The following FSTL5 variants were observed in gnomAD, a reference collection of about 807,000 sequenced individuals.
The protein encoded by FSTL5 is follistatin like 5, also known as follistatin-related protein 5.
FSTL5 carries 62 observed loss-of-function variants against 89.1 expected under a neutral mutation model. The observed-to-expected ratio is 0.70, with a 90% confidence interval of 0.57 to 0.86. The LOEUF (loss-of-function observed/expected upper bound fraction) is 0.86, where lower values mean the gene tolerates loss of function less well. Among genes scored for constraint, FSTL5 ranks in the 40% least tolerant of loss-of-function variants. The probability of loss-of-function intolerance (pLI) is 0.00; values close to 1 mark genes in which losing one functional copy is unlikely to be tolerated. For missense variants in FSTL5, 1,057 were observed against 1,001.6 expected (o/e 1.06, Z -0.75); for synonymous variants, 383 against 346.2 (o/e 1.11, Z -1.18).
intron 8 of FSTL5, among the ~76,000 whole-genome samples, chr4:161,567,441 T>C (rs760357197): frequency 6.6e-6 from 1 of 152,160 alleles, no homozygotes; most frequent in Non-Finnish European, 1.5e-5. Context: ...ACTCTCTTGT[T>C]ATACAAGTGT....
chr4:161,971,834 T>C (rs1013575211), intron 3 of FSTL5, among the ~76,000 whole-genome samples: 2 of 152,152 alleles, frequency 1.3e-5, no homozygotes, highest in Admixed American at 1.3e-4. Flanking sequence ...ACATCTTTTC[T>C]CCAGTTGATT....
chr4:161,811,724 GC>G (rs1430659256), intron 4 of FSTL5, among the ~76,000 whole-genome samples: 1 of 152,024 alleles, frequency 6.6e-6, no homozygotes, highest in Non-Finnish European at 1.5e-5. Flanking sequence ...GTACTGAGAT[GC>G]CATTCTATGT....
chr4:161,742,119 A>G (rs1156929437), intron 6 of FSTL5, among the ~76,000 whole-genome samples: 1 of 152,120 alleles, frequency 6.6e-6, no homozygotes, highest in Non-Finnish European at 1.5e-5. Context: ...GTAAAAAAAA[A>G]GAAAAAACAA....
chr4:161,478,874 C>A (rs969033924), intron 13 of FSTL5, among the ~76,000 whole-genome samples: 6 of 151,822 alleles, frequency 4.0e-5, no homozygotes, highest in African/African-American at 1.5e-4. Context: ...AAAGAATTAC[C>A]CTAGCAACAG....
chr4:161,749,855 CA>C (rs1301836555), intron 6 of FSTL5, among the ~76,000 whole-genome samples: 1 of 150,878 alleles, frequency 6.6e-6, no homozygotes, highest in African/African-American at 2.4e-5. Context: ...CTGGGGACTC[CA>C]AAAAAGGGAG....
At chr4:161,955,100 T>C (rs1734993999) in intron 3 of FSTL5, among the ~76,000 whole-genome samples, 1 of 151,674 alleles carries the variant, frequency 6.6e-6, no homozygotes, top group Non-Finnish European at 1.5e-5. Context: ...TAAAAATGAC[T>C]TAAGTTATAT....
intron 10 of FSTL5, among the ~76,000 whole-genome samples, chr4:161,518,106 A>G (rs1200484069): frequency 1.3e-5 from 2 of 152,204 alleles, no homozygotes; most frequent in Non-Finnish European, 2.9e-5. Flanking sequence ...TTTCAAATGA[A>G]CCTGTCATTC....
Position 161,656,475 on chromosome 4 carries a change from C to T in FSTL5, c.747G>A (p.Leu249=). 6.3e-7 allele frequency: 1 copy of T among 1,591,576 alleles called. No individual in the cohort carries two copies. The highest frequency in any genetic ancestry group is 8.5e-7 in the Non-Finnish European group (1 of 1,170,178). ...TGATGCTTAGTTTCTGATCTTCTGG[C>T]AGACTCAACTGGATCACTTCTGTAA... is the stretch of plus-strand genomic sequence containing the variant. ...YRAFQVIQLS[L]PEDQKLSITA... is the part of the protein sequence containing the mutation. Residue 249 remains leucine (L), a synonymous_variant, in exon 7 of 16, where the codon CTG becomes CTA. Coordinates refer to ENST00000306100, the MANE Select transcript of FSTL5 (RefSeq NM_020116.5).
intron 6 of FSTL5, among the ~76,000 whole-genome samples, chr4:161,682,544 A>G (rs538208712): frequency 6.6e-6 from 1 of 152,114 alleles, no homozygotes; most frequent in Admixed American, 6.6e-5. Context: ...TTTTTGTTAA[A>G]AAAGAAGAAA....
intron 2 of FSTL5, among the ~76,000 whole-genome samples, chr4:162,084,060 C>G (rs561859119): frequency 1.3e-5 from 2 of 151,856 alleles, no homozygotes; most frequent in African/African-American, 4.8e-5. Context: ...ATATAACTAA[C>G]AGGGATGATA....
intron 1 of FSTL5, among the ~76,000 whole-genome samples, chr4:162,133,952 G>T (rs1253956849): frequency 6.6e-6 from 1 of 152,176 alleles, no homozygotes; most frequent in African/African-American, 2.4e-5. Flanking sequence ...GAGTCATGAT[G>T]CTCCCATTGG....
intron 3 of FSTL5, among the ~76,000 whole-genome samples, chr4:162,031,596 T>C (rs1737523000): frequency 1.3e-5 from 2 of 152,158 alleles, no homozygotes; most frequent in South Asian, 2.1e-4. Flanking sequence ...TAAGTAGAGA[T>C]AAGCAACAAG....
intron 7 of FSTL5, among the ~76,000 whole-genome samples, chr4:161,614,627 A>G (rs1460213870): frequency 6.6e-6 from 1 of 152,196 alleles, no homozygotes; most frequent in Non-Finnish European, 1.5e-5. Context: ...TGCATGATAC[A>G]TGCACATGAG....
At chr4:161,882,411 C>G (rs1408484458) in intron 4 of FSTL5, among the ~76,000 whole-genome samples, 1 of 152,044 alleles carries the variant, frequency 6.6e-6, no homozygotes, top group Non-Finnish European at 1.5e-5. Context: ...TCTGTTGTAC[C>G]AAAGCAAAAT....
At chr4:161,625,054 T>C (rs1487793204) in intron 7 of FSTL5, among the ~76,000 whole-genome samples, 1 of 152,144 alleles carries the variant, frequency 6.6e-6, no homozygotes, top group Non-Finnish European at 1.5e-5. Context: ...GTTAATAGTA[T>C]ACAGTATTGT....
At chr4:161,600,516 T>C (rs550306146) in intron 7 of FSTL5, among the ~76,000 whole-genome samples, 100 of 152,114 alleles carry the variant, frequency 6.6e-4, no homozygotes, top group African/African-American at 2.3e-3. Context: ...ACTGAGTTAG[T>C]AAAAAAATCA....
At chr4:161,721,036 T>A (rs1025049003) in intron 6 of FSTL5, among the ~76,000 whole-genome samples, 5 of 151,178 alleles carry the variant, frequency 3.3e-5, no homozygotes, top group Non-Finnish European at 7.4e-5. Context: ...CCCAGCACTT[T>A]GGGAGGCTGA....
At chr4:162,147,134 G>C (rs1733033548) in intron 1 of FSTL5, among the ~76,000 whole-genome samples, 1 of 151,908 alleles carries the variant, frequency 6.6e-6, no homozygotes, top group South Asian at 2.1e-4. Flanking sequence ...ATGAAATTTA[G>C]TTATCCTGTT....
chr4:161,505,684 C>A (rs1449006032), intron 11 of FSTL5, among the ~76,000 whole-genome samples: 12 of 151,822 alleles, frequency 7.9e-5, no homozygotes, highest in Admixed American at 7.9e-4. Context: ...TATATCTATG[C>A]ACACACATAT....
Sources: gnomAD v4.1 joint callset for allele counts (sites outside exome capture counted in the v4.1 genomes callset) on GRCh38, gnomAD v4.1.1 for gene constraint, MANE v1.5 for transcripts, NCBI Gene and HGNC (gene_info 2026-07-23, HGNC 2026-07-21) for gene names.